CFAP47: variants seen among roughly 807,000 people sequenced by gnomAD.
CFAP47 encodes the protein cilia and flagella associated protein 47, also known as cilia- and flagella-associated protein 47.
Under a neutral mutation model 148.1 loss-of-function variants are expected in CFAP47, and 29 were observed. The observed-to-expected ratio is 0.20, with a 90% CI of 0.15 to 0.27. The LOEUF is 0.27. Ranked by LOEUF, CFAP47 falls within the 10% of genes least tolerant of loss-of-function variation. The pLI is 1.00. For synonymous variants in CFAP47, 664 were observed against 577.3 expected (o/e 1.15, Z -2.15); for missense variants, 1,872 against 1,697.5 (o/e 1.10, Z -1.81).
intron 4 of CFAP47, among the ~76,000 whole-genome samples, chrX:35,950,742 G>C (rs1206204209): frequency 9.0e-6 from 1 of 111,589 alleles, no homozygotes; most frequent in Non-Finnish European, 1.9e-5. Flanking sequence ...GAGATAAGCT[G>C]TTGGACTTGG....
intron 30 of CFAP47, among the ~76,000 whole-genome samples, chrX:36,086,593 T>G (rs1938092638): frequency 8.9e-6 from 1 of 111,958 alleles, no homozygotes; most frequent in South Asian, 3.7e-4. Flanking sequence ...ATTCAATTTT[T>G]TATTTCCAAA....
rs762499515 is a variant in CFAP47, at chrX:36,126,858, C to T, written c.5321-11100C>T. Among the ~76,000 whole-genome samples the T allele has an allele frequency of 2.0e-4, 22 of 112,525 alleles. No individual in the cohort carries two copies. The South Asian group carries it at 7.3e-3, about 37-fold the overall frequency. On this transcript the variant is annotated intron_variant, in intron 33 of 63. Transcript: ENST00000378653. ...TTCTCTAATGACCAGTGATGATGAG[C>T]ATTTTTTCATATGACTGTTGGCTGC...
At chrX:36,127,242 C>G (rs1171521539) in intron 33 of CFAP47, among the ~76,000 whole-genome samples, 1 of 111,855 alleles carries the variant, frequency 8.9e-6, no homozygotes, top group Non-Finnish European at 1.9e-5. Flanking sequence ...AGGTTTAAGT[C>G]TTTAATCCAA....
At chrX:36,036,685 C>T (rs751320660) in intron 24 of CFAP47, among the ~76,000 whole-genome samples, 5 of 111,482 alleles carry the variant, frequency 4.5e-5, no homozygotes, top group Non-Finnish European at 7.5e-5. Context: ...ACCCAAATTC[C>T]GAGGACACTA....
In CFAP47 at chrX:36,361,389, T is replaced by C; in HGVS notation, c.8911T>C (p.Ser2971Pro). 8.9e-7 allele frequency: 1 copy of C among 1,119,974 alleles called. No homozygotes were observed. The highest frequency in any genetic ancestry group is 1.2e-6 in the Non-Finnish European group (1 of 837,018). The allele number at this position is 1,119,974 out of a possible 1,213,427, so 92.3% of individuals were successfully genotyped here. The change falls in exon 61 of 64, where the codon TCT becomes CCT. Residue 2971 changes from serine to proline, a missense_variant. By Grantham distance (74) the Ser-to-Pro change is moderately conservative. Transcript: ENST00000378653. ...TCAATTTGAATCTGAAGCTATGAAG[T>C]CTAAGTTGGAATCCTGTGTAGCTTT... ...EIQFESEAMK[S>P]KLESCVALYM...
At chrX:36,091,598 T>A (rs1300980244) in intron 30 of CFAP47, among the ~76,000 whole-genome samples, 1 of 111,313 alleles carries the variant, frequency 9.0e-6, no homozygotes, top group Non-Finnish European at 1.9e-5. Flanking sequence ...AGGAATTGTG[T>A]GAAAATCAAA....
chrX:36,322,902 G>T (rs994098728), intron 57 of CFAP47, among the ~76,000 whole-genome samples: 3 of 110,847 alleles, frequency 2.7e-5, no homozygotes, highest in Non-Finnish European at 5.7e-5. Flanking sequence ...TATAATACTA[G>T]TTGTAGGAGT....
chrX:36,269,201 CA>C (rs1331146254), intron 49 of CFAP47, among the ~76,000 whole-genome samples: 1 of 112,010 alleles, frequency 8.9e-6, no homozygotes, highest in East Asian at 2.8e-4. Flanking sequence ...AAAAAGGTTA[CA>C]CTAAAGTGAA....
At chrX:36,253,099 A>G (rs1366216881) in intron 49 of CFAP47, among the ~76,000 whole-genome samples, 2 of 112,244 alleles carry the variant, frequency 1.8e-5, no homozygotes, top group Non-Finnish European at 3.8e-5. Context: ...ATTTCAATAC[A>G]TATTTTTACT....
rs766504249 is a variant in CFAP47 at position 35,978,634 on chromosome X, T to C, written c.2713+2721T>C. On this transcript the variant is annotated intron_variant, in intron 15 of 63. Coordinates refer to ENST00000378653, the MANE Select transcript of CFAP47 (RefSeq NM_001304548.2). ...ATATAATCCTCAAATCTATCTCATA[T>C]AGCATTGAAAAAAGTGTTTGTAATT... is the stretch of plus-strand genomic sequence containing the variant. 2.7e-5 allele frequency among the ~76,000 whole-genome samples: 3 copies of C among 112,104 alleles called. No individual in the cohort carries two copies. In the East Asian group the frequency reaches 8.4e-4, roughly 31 times the overall value.
chrX:36,027,679 T>C (rs186367232), intron 22 of CFAP47, among the ~76,000 whole-genome samples: 6 of 111,335 alleles, frequency 5.4e-5, no homozygotes, highest in African/African-American at 2.0e-4. Context: ...TGCCCAGTAG[T>C]GGGATGGCTA....
chrX:36,071,188 T>G (rs1394251654), intron 27 of CFAP47, among the ~76,000 whole-genome samples: 1 of 112,348 alleles, frequency 8.9e-6, no homozygotes, highest in East Asian at 2.8e-4. Context: ...CTGTCCTGCA[T>G]CAAGACTATG....
intron 26 of CFAP47, among the ~76,000 whole-genome samples, chrX:36,053,052 T>G (rs953821042): frequency 8.9e-6 from 1 of 112,337 alleles, no homozygotes; most frequent in East Asian, 2.8e-4. Context: ...CCTTAGGAAC[T>G]GTAGTGTAAA....
intron 27 of CFAP47, among the ~76,000 whole-genome samples, 175 bp downstream of exon 27, chrX:36,065,918 G>A (rs775162844): frequency 8.9e-6 from 1 of 112,087 alleles, no homozygotes; most frequent in East Asian, 2.8e-4. Context: ...AAAAGTTGAC[G>A]ATCTAGTTTG....
At chrX:36,227,967 A>C (rs1411603010) in intron 45 of CFAP47, among the ~76,000 whole-genome samples, 2 of 112,068 alleles carry the variant, frequency 1.8e-5, no homozygotes, top group African/African-American at 6.5e-5. Flanking sequence ...CGTAAGAAGT[A>C]AAATTAGCTA....
At chrX:36,122,724 T>C (rs1193864202) in intron 33 of CFAP47, among the ~76,000 whole-genome samples, 2 of 111,933 alleles carry the variant, frequency 1.8e-5, no homozygotes, top group African/African-American at 3.2e-5. Context: ...TTGAATTTCT[T>C]TGAGTTTTCT....
chrX:36,308,847 G>T (rs1375856252), intron 55 of CFAP47, among the ~76,000 whole-genome samples: 2 of 110,827 alleles, frequency 1.8e-5, no homozygotes, highest in African/African-American at 6.5e-5. Flanking sequence ...ATTTGTTTCT[G>T]GTTTCAATTC....
chrX:36,023,308 G>A (rs752980661), intron 22 of CFAP47, among the ~76,000 whole-genome samples: 44 of 112,069 alleles, frequency 3.9e-4, no homozygotes, highest in African/African-American at 5.8e-4. Flanking sequence ...TCTCCCAAAT[G>A]AACAGAGTCT....
chrX:36,163,679 G>A (rs1939456277), intron 39 of CFAP47, among the ~76,000 whole-genome samples: 1 of 110,876 alleles, frequency 9.0e-6, no homozygotes, highest in African/African-American at 3.3e-5. Context: ...GCGTGATCTC[G>A]GCTCACTGCA....
Sources: gnomAD v4.1 joint callset for allele counts (sites outside exome capture counted in the v4.1 genomes callset) on GRCh38, gnomAD v4.1.1 for gene constraint, MANE v1.5 for transcripts, NCBI Gene and HGNC (gene_info 2026-07-23, HGNC 2026-07-21) for gene names.